Variants in SCP2 observed in about 807,000 individuals in gnomAD.
SCP2 encodes the protein sterol carrier protein 2, also known as SCP-2/3-oxoacyl-CoA thiolase.
In SCP2, 48 loss-of-function variants were observed where a neutral mutation model predicts 71.4. That is an observed-to-expected ratio of 0.67 (90% CI 0.53 to 0.86). SCP2 has a LOEUF of 0.86. Ranked by LOEUF, SCP2 falls within the 40% of genes least tolerant of loss-of-function variation. The pLI is 0.00. For missense variants in SCP2, 560 were observed against 655.6 expected (o/e 0.85, Z 1.59); for synonymous variants, 220 against 218.1 (o/e 1.01, Z -0.08).
intron 2 of SCP2, among the ~76,000 whole-genome samples, chr1:52,946,114 AGACAGGGTTTT>A (rs1654765830): frequency 6.6e-6 from 1 of 151,752 alleles, no homozygotes; most frequent in South Asian, 2.1e-4. Flanking sequence ...TTTTTGGTAG[AGACAGGGTTTT>A]GCCATATTGC....
intron 1 of SCP2, among the ~76,000 whole-genome samples, 174 bp downstream of exon 1, chr1:52,927,639 T>G (rs138740257): frequency 4.5e-4 from 69 of 152,310 alleles, no homozygotes; most frequent in African/African-American, 1.6e-3. Context: ...TCGGGCTGGT[T>G]CCTGCGGCCT....
intron 11 of SCP2, 102 bp downstream of exon 11, chr1:52,988,238 G>C: frequency 1.4e-6 from 1 of 710,490 alleles, no homozygotes. Flanking sequence ...CTCTGAACTT[G>C]GTAGCTGGTG....
At chr1:53,024,421 A>G (rs1241921546) in intron 12 of SCP2, among the ~76,000 whole-genome samples, 1 of 152,166 alleles carries the variant, frequency 6.6e-6, no homozygotes, top group Non-Finnish European at 1.5e-5. Context: ...ATTTAATACT[A>G]CTAAACTGAA....
intron 6 of SCP2, among the ~76,000 whole-genome samples, chr1:52,972,907 C>T (rs575009057): frequency 2.1e-4 from 32 of 152,352 alleles, no homozygotes; most frequent in African/African-American, 7.7e-4. Flanking sequence ...TGAAATCTCA[C>T]TGAGCTTGAG....
chr1:53,022,993 G>A (rs952821956), intron 12 of SCP2, among the ~76,000 whole-genome samples: 3 of 151,698 alleles, frequency 2.0e-5, no homozygotes, highest in African/African-American at 7.3e-5. Context: ...AAACCAATTG[G>A]AATTTAGTTT....
At chr1:53,021,092 A>G (rs1661687946) in intron 12 of SCP2, among the ~76,000 whole-genome samples, 1 of 151,274 alleles carries the variant, frequency 6.6e-6, no homozygotes. Flanking sequence ...TGCAGCCTCG[A>G]CCTCCCCAGG....
intron 11 of SCP2, chr1:52,995,750 T>C: frequency 1.3e-6 from 1 of 775,762 alleles, no homozygotes; most frequent in Non-Finnish European, 2.4e-6. Flanking sequence ...GACAGCTGTC[T>C]GTGACATCCC....
At chr1:52,955,186 GA>G (rs991837888) in intron 5 of SCP2, among the ~76,000 whole-genome samples, 53 of 152,264 alleles carry the variant, frequency 3.5e-4, no homozygotes, top group Middle Eastern at 6.8e-3. Context: ...TATTTGGATA[GA>G]ATATGAAAAA....
chr1:53,003,931 C>A (rs977957171), intron 11 of SCP2, among the ~76,000 whole-genome samples: 1 of 152,310 alleles, frequency 6.6e-6, no homozygotes, highest in South Asian at 2.1e-4. Flanking sequence ...GAACTTCCAC[C>A]TTTTCATTTA....
chr1:52,988,063 T>C lies in SCP2; in HGVS notation c.1008T>C (p.Asn336=). 6.2e-7 allele frequency: 1 copy of C among 1,605,870 alleles called. No homozygotes were observed. Among genetic ancestry groups the C allele is most frequent in the South Asian group, 1.1e-5 (1 of 90,870 alleles). The change falls in exon 11 of 16, where the codon AAT becomes AAC. Residue 336 remains asparagine (N), a synonymous_variant. Coordinates refer to ENST00000371514, the MANE Select transcript of SCP2 (RefSeq NM_002979.5). ...CAACGCTGGTTGATAGAGGAGATAA[T>C]ACATATGGAGGAAAGTGGGTCATAA... ...QGATLVDRGD[N]TYGGKWVINP...
intron 6 of SCP2, among the ~76,000 whole-genome samples, chr1:52,973,291 G>C (rs866812625): frequency 6.6e-4 from 100 of 151,740 alleles, no homozygotes; most frequent in African/African-American, 2.2e-3. Flanking sequence ...TTACAGTAAA[G>C]ACGTGTTTAG....
chr1:53,026,400 C>T (rs1662133433), intron 12 of SCP2, among the ~76,000 whole-genome samples: 1 of 152,178 alleles, frequency 6.6e-6, no homozygotes, highest in Non-Finnish European at 1.5e-5. Flanking sequence ...TTTTTCTCCT[C>T]CACTGGAAGA....
At chr1:52,968,907 C>T (rs2150154234) in intron 6 of SCP2, among the ~76,000 whole-genome samples, 1 of 152,074 alleles carries the variant, frequency 6.6e-6, no homozygotes, top group East Asian at 1.9e-4. Flanking sequence ...ATATATTATA[C>T]ACTATGCTCA....
chr1:53,032,628 C>G (rs1662634087), intron 13 of SCP2, among the ~76,000 whole-genome samples: 1 of 152,166 alleles, frequency 6.6e-6, no homozygotes, highest in Admixed American at 6.5e-5. Context: ...GAGATAAGAA[C>G]AGACAAATAT....
rs115035807 is a variant in SCP2, at chr1:52,992,080, G to T, written c.1081+3944G>T. On this transcript the variant is annotated intron_variant, in intron 11 of 15. Coordinates refer to ENST00000371514, the MANE Select transcript of SCP2 (RefSeq NM_002979.5). ...AGTGATTTCAGAGTCTCATCCTGTT[G>T]TACTCTGTTGGGAAGGTTTCTTGAG... 6.2e-3 allele frequency among the ~76,000 whole-genome samples: 949 copies of T among 152,310 alleles called. 15 individuals are homozygous for T. The highest frequency in any genetic ancestry group is 0.022 in the African/African-American group (912 of 41,570).
chr1:52,952,937 G>T (rs1285796473), intron 4 of SCP2, among the ~76,000 whole-genome samples: 2 of 151,668 alleles, frequency 1.3e-5, no homozygotes, highest in East Asian at 3.9e-4. Flanking sequence ...CCACTGATTT[G>T]ATTGTTGATC....
At chr1:53,011,588 A>T (rs1278877571) in intron 11 of SCP2, among the ~76,000 whole-genome samples, 1 of 152,178 alleles carries the variant, frequency 6.6e-6, no homozygotes, top group Non-Finnish European at 1.5e-5. Context: ...CAGCAAGATG[A>T]TGTTTTGTAA....
chr1:53,010,474 T>C (rs534078976), intron 11 of SCP2, among the ~76,000 whole-genome samples: 4 of 152,310 alleles, frequency 2.6e-5, no homozygotes, highest in African/African-American at 9.6e-5. Context: ...TCATGTCCTT[T>C]GTAGGGACAT....
intron 11 of SCP2, chr1:52,995,826 G>T: frequency 9.9e-7 from 1 of 1,014,656 alleles, no homozygotes. Context: ...GAGCTCTTCA[G>T]GTGCATCTTG....
Sources: gnomAD v4.1 joint callset for allele counts (sites outside exome capture counted in the v4.1 genomes callset) on GRCh38, gnomAD v4.1.1 for gene constraint, MANE v1.5 for transcripts, NCBI Gene and HGNC (gene_info 2026-07-23, HGNC 2026-07-21) for gene names.